SEMA3E: variants seen among roughly 807,000 people sequenced by gnomAD.
SEMA3E encodes the protein semaphorin-3E.
SEMA3E carries 49 observed loss-of-function variants against 93.6 expected under a neutral mutation model. The ratio of observed to expected loss-of-function variants is 0.52; its 90% CI spans 0.42 to 0.66. The LOEUF is 0.66. Ranked by LOEUF, SEMA3E falls within the 30% of genes least tolerant of loss-of-function variation. SEMA3E has a pLI of 0.00. For missense variants in SEMA3E, 906 were observed against 964.8 expected (o/e 0.94, Z 0.81); for synonymous variants, 363 against 330.7 (o/e 1.10, Z -1.06).
chr7:83,578,283 G>C (rs1166380399), intron 1 of SEMA3E, among the ~76,000 whole-genome samples: 1 of 152,060 alleles, frequency 6.6e-6, no homozygotes, highest in East Asian at 1.9e-4. Context: ...TACTATTGTA[G>C]TTAATAAAAG....
chr7:83,628,655 A>C (rs1256475405), intron 1 of SEMA3E, among the ~76,000 whole-genome samples: 1 of 151,672 alleles, frequency 6.6e-6, no homozygotes, highest in Non-Finnish European at 1.5e-5. Flanking sequence ...GTTCTTCTCT[A>C]AACTGGTTAT....
At chr7:83,605,914 G>T (rs185835491) in intron 1 of SEMA3E, among the ~76,000 whole-genome samples, 1 of 152,166 alleles carries the variant, frequency 6.6e-6, no homozygotes, top group Non-Finnish European at 1.5e-5. Flanking sequence ...TCATTCTGAT[G>T]GTAGTTTCTT....
At chr7:83,524,386 CTA>C (rs1284539383) in intron 1 of SEMA3E, among the ~76,000 whole-genome samples, 2 of 152,074 alleles carry the variant, frequency 1.3e-5, no homozygotes, top group Non-Finnish European at 2.9e-5. Context: ...AATCTGAGAC[CTA>C]TCTTATATCA....
intron 2 of SEMA3E, among the ~76,000 whole-genome samples, chr7:83,472,618 T>A (rs970079801): frequency 6.6e-6 from 1 of 152,230 alleles, no homozygotes; most frequent in East Asian, 1.9e-4. Flanking sequence ...ATCAATTTCA[T>A]GGGCTTGGCT....
intron 1 of SEMA3E, among the ~76,000 whole-genome samples, chr7:83,566,267 G>C (rs1584335139): frequency 6.6e-6 from 1 of 151,132 alleles, no homozygotes. Context: ...CGGCCTCCCA[G>C]AGTGCTGGGA....
intron 1 of SEMA3E, among the ~76,000 whole-genome samples, chr7:83,499,420 G>A (rs1790552694): frequency 6.6e-6 from 1 of 152,126 alleles, no homozygotes; most frequent in Admixed American, 6.5e-5. Context: ...TAATTTGATG[G>A]AGAAAATATA....
rs865861428 is a variant in SEMA3E at position 83,569,244 on chromosome 7, C to T, written c.116-78970G>A. Among the ~76,000 whole-genome samples, 3 of 151,744 alleles carry T rather than the reference C, an allele frequency of 2.0e-5. No homozygotes were observed. In the South Asian group the frequency reaches 6.2e-4, roughly 32 times the overall value. On this transcript the variant is annotated intron_variant, in intron 1 of 16. Transcript: ENST00000643230. Reference sequence around the variant, plus strand: ...TGAAAGAAATTGAAGAGGATACAAACAAATGGAAAGATATCCCAAGCTCAT... The same window carrying T: ...TGAAAGAAATTGAAGAGGATACAAATAAATGGAAAGATATCCCAAGCTCAT...
At chr7:83,523,393 T>A (rs1791088134) in intron 1 of SEMA3E, among the ~76,000 whole-genome samples, 2 of 152,020 alleles carry the variant, frequency 1.3e-5, no homozygotes, top group African/African-American at 4.8e-5. Context: ...AGGGAGGAAG[T>A]CAGAGGCATG....
intron 1 of SEMA3E, among the ~76,000 whole-genome samples, chr7:83,632,069 C>G (rs977984322): frequency 1.3e-5 from 2 of 151,360 alleles, no homozygotes; most frequent in Admixed American, 6.6e-5. Context: ...GCAGGAGAAT[C>G]GCTTGAACCT....
intron 4 of SEMA3E, among the ~76,000 whole-genome samples, chr7:83,451,860 G>A (rs187698922): frequency 7.2e-5 from 11 of 152,268 alleles, no homozygotes; most frequent in Admixed American, 1.3e-4. Flanking sequence ...TGAATTGGGC[G>A]TATTGCTGCC....
chr7:83,470,497 G>C (rs1240488224), intron 2 of SEMA3E, among the ~76,000 whole-genome samples: 1 of 151,882 alleles, frequency 6.6e-6, no homozygotes, highest in Non-Finnish European at 1.5e-5. Context: ...GCAGAGGTTT[G>C]AGTTTGTTAT....
At chr7:83,558,417 T>C (rs1791963526) in intron 1 of SEMA3E, among the ~76,000 whole-genome samples, 1 of 152,144 alleles carries the variant, frequency 6.6e-6, no homozygotes, top group African/African-American at 2.4e-5. Flanking sequence ...TACTGGTATT[T>C]GGTTTCAAAA....
intron 1 of SEMA3E, among the ~76,000 whole-genome samples, chr7:83,599,748 G>T (rs1045246320): frequency 1.3e-5 from 2 of 152,110 alleles, no homozygotes; most frequent in African/African-American, 4.8e-5. Context: ...TATGTCTATG[G>T]TGTTCCAACC....
At chr7:83,534,987 G>C (rs944010768) in intron 1 of SEMA3E, among the ~76,000 whole-genome samples, 1 of 152,032 alleles carries the variant, frequency 6.6e-6, no homozygotes, top group Non-Finnish European at 1.5e-5. Context: ...TCTAATCAAC[G>C]GTCTCCCACT....
intron 1 of SEMA3E, among the ~76,000 whole-genome samples, chr7:83,578,714 T>C (rs921779237): frequency 6.6e-6 from 1 of 152,152 alleles, no homozygotes; most frequent in Non-Finnish European, 1.5e-5. Context: ...ACTGCACAAC[T>C]ACTCCCAAAC....
At chr7:83,517,048 T>C (rs547758274) in intron 1 of SEMA3E, among the ~76,000 whole-genome samples, 2 of 152,172 alleles carry the variant, frequency 1.3e-5, no homozygotes, top group South Asian at 4.1e-4. Context: ...AATCTACCCT[T>C]GTGACTACCA....
chr7:83,402,860 G>T (rs1239794506), intron 9 of SEMA3E, 84 bp from the exon 10 acceptor site: 27 of 1,362,422 alleles, frequency 2.0e-5, no homozygotes, highest in Non-Finnish European at 2.5e-5. Flanking sequence ...AAAGATAAGA[G>T]TCAAGTCTTT....
intron 1 of SEMA3E, among the ~76,000 whole-genome samples, chr7:83,569,755 C>T (rs1792236279): frequency 6.6e-6 from 1 of 152,160 alleles, no homozygotes; most frequent in African/African-American, 2.4e-5. Context: ...TTGACTATGA[C>T]AGCCACACAA....
intron 15 of SEMA3E, among the ~76,000 whole-genome samples, chr7:83,385,639 C>T (rs1787863828): frequency 6.6e-6 from 1 of 151,944 alleles, no homozygotes; most frequent in South Asian, 2.1e-4. Flanking sequence ...TGGGGTGGGA[C>T]AGAAGTAGGT....
Sources: gnomAD v4.1 joint callset for allele counts (sites outside exome capture counted in the v4.1 genomes callset) on GRCh38, gnomAD v4.1.1 for gene constraint, MANE v1.5 for transcripts, NCBI Gene and HGNC (gene_info 2026-07-23, HGNC 2026-07-21) for gene names.